FGF12: variants seen among roughly 807,000 people sequenced by gnomAD.
FGF12 encodes the protein fibroblast growth factor 12, also known as fibroblast growth factor 12B.
A neutral mutation model predicts 23.6 loss-of-function variants in FGF12; 14 were observed. The observed-to-expected ratio is 0.59, with a 90% CI of 0.39 to 0.93. The LOEUF (loss-of-function observed/expected upper bound fraction) is 0.93, where lower values mean the gene tolerates loss of function less well. Ranked by LOEUF, FGF12 falls within the 40% of genes least tolerant of loss-of-function variation. The probability of loss-of-function intolerance (pLI) is 0.00; values close to 1 mark genes in which losing one functional copy is unlikely to be tolerated. For synonymous variants in FGF12, 62 were observed against 77.3 expected (o/e 0.80, Z 1.04); for missense variants, 175 against 217.8 (o/e 0.80, Z 1.24).
At chr3:192,712,649 AC>A (rs1368870153) in intron 2 of FGF12, among the ~76,000 whole-genome samples, 2 of 152,086 alleles carry the variant, frequency 1.3e-5, no homozygotes, top group African/African-American at 4.8e-5. Flanking sequence ...AGAATTCTAT[AC>A]CTAACCACAC....
intron 4 of FGF12, among the ~76,000 whole-genome samples, chr3:192,242,357 G>T (rs549282322): frequency 6.6e-6 from 1 of 152,270 alleles, no homozygotes; most frequent in African/African-American, 2.4e-5. Flanking sequence ...GATGCCAGTA[G>T]CCCTCCCCTT....
chr3:192,186,373 C>T (rs1716468159), intron 4 of FGF12, among the ~76,000 whole-genome samples: 1 of 152,174 alleles, frequency 6.6e-6, no homozygotes, highest in Non-Finnish European at 1.5e-5. Context: ...CACCATCTTG[C>T]ATAAAGCCTT....
intron 4 of FGF12, among the ~76,000 whole-genome samples, chr3:192,335,052 A>T (rs1267559621): frequency 1.3e-5 from 2 of 152,164 alleles, no homozygotes; most frequent in Non-Finnish European, 2.9e-5. Flanking sequence ...ATAACAAGAG[A>T]AAAGAAAAAT....
intron 4 of FGF12, among the ~76,000 whole-genome samples, chr3:192,313,314 C>G (rs1716056064): frequency 6.6e-6 from 1 of 152,098 alleles, no homozygotes; most frequent in Non-Finnish European, 1.5e-5. Context: ...CATAGACAAC[C>G]TGCTGATCCC....
At chr3:192,497,317 T>C (rs1188595425) in intron 2 of FGF12, among the ~76,000 whole-genome samples, 2 of 152,176 alleles carry the variant, frequency 1.3e-5, no homozygotes, top group African/African-American at 4.8e-5. Context: ...ACCTTCAAAA[T>C]ATATTCCAAG....
chr3:192,176,022 G>A (rs185676455), intron 4 of FGF12, among the ~76,000 whole-genome samples: 70 of 152,020 alleles, frequency 4.6e-4, no homozygotes, highest in Non-Finnish European at 7.1e-4. Context: ...CTTTCCCACC[G>A]CCCCCTCATC....
Position 192,242,079 on chromosome 3 carries a change from C to A in FGF12, c.229-71423G>T, listed in dbSNP as rs968233303. ...AAGGGAACAAGTAAAAAGAAAAACA[C>A]ATTAAGCATTCATATTCAGAAATTA... On this transcript the variant is annotated intron_variant, in intron 4 of 5. Transcript: ENST00000445105. 7.2e-5 allele frequency among the ~76,000 whole-genome samples: 11 copies of A among 152,164 alleles called. No individual in the cohort carries two copies. The South Asian group carries it at 2.3e-3, about 32-fold the overall frequency.
chr3:192,677,228 C>T (rs879852173), intron 2 of FGF12, among the ~76,000 whole-genome samples: 1 of 152,220 alleles, frequency 6.6e-6, no homozygotes, highest in African/African-American at 2.4e-5. Flanking sequence ...TCCCCCAACT[C>T]CCACACTGAG....
chr3:192,204,557 A>G (rs1717544577), intron 4 of FGF12, among the ~76,000 whole-genome samples: 2 of 152,180 alleles, frequency 1.3e-5, no homozygotes. Context: ...GTTGCCTTTT[A>G]TGCAGGTCCC....
At chr3:192,459,133 C>T (rs775613730) in intron 2 of FGF12, among the ~76,000 whole-genome samples, 1 of 152,146 alleles carries the variant, frequency 6.6e-6, no homozygotes, top group Non-Finnish European at 1.5e-5. Flanking sequence ...ATGTCTTTAT[C>T]AGCAATGTGA....
chr3:192,486,456 A>T (rs1033351302), intron 2 of FGF12, among the ~76,000 whole-genome samples: 2 of 152,126 alleles, frequency 1.3e-5, no homozygotes, highest in African/African-American at 4.8e-5. Flanking sequence ...AGAATGAGCC[A>T]TGTAAAAACA....
intron 2 of FGF12, among the ~76,000 whole-genome samples, chr3:192,495,776 C>T (rs1411044717): frequency 1.3e-5 from 2 of 152,104 alleles, no homozygotes; most frequent in Non-Finnish European, 2.9e-5. Context: ...AAGTGATCCT[C>T]TCAACTCAGC....
chr3:192,365,520 T>C (rs955764196), intron 2 of FGF12, among the ~76,000 whole-genome samples: 6 of 152,176 alleles, frequency 3.9e-5, no homozygotes, highest in East Asian at 1.9e-4. Flanking sequence ...CTATGGGAAA[T>C]TGGATATAGG....
intron 2 of FGF12, among the ~76,000 whole-genome samples, chr3:192,618,376 C>T (rs62293018): frequency 0.17 from 25,368 of 151,804 alleles, 2,372 homozygotes; most frequent in African/African-American, 0.25. Context: ...GACTCAAGTC[C>T]ATCAAGTTCT....
At chr3:192,502,901 C>G (rs544735367) in intron 2 of FGF12, among the ~76,000 whole-genome samples, 1 of 152,224 alleles carries the variant, frequency 6.6e-6, no homozygotes, top group Non-Finnish European at 1.5e-5. Flanking sequence ...GCAGTGATAG[C>G]TAATATCTAG....
intron 2 of FGF12, among the ~76,000 whole-genome samples, chr3:192,522,934 C>T (rs190126845): frequency 6.6e-6 from 1 of 152,210 alleles, no homozygotes; most frequent in East Asian, 1.9e-4. Flanking sequence ...CATCAGTTGT[C>T]GTCTGAGGGA....
At chr3:192,192,458 A>C (rs1716841898) in intron 4 of FGF12, among the ~76,000 whole-genome samples, 1 of 147,980 alleles carries the variant, frequency 6.8e-6, no homozygotes, top group African/African-American at 2.4e-5. Context: ...ATATAATTAT[A>C]TTACATATAA....
At chr3:192,368,133 A>C (rs898293566) in intron 2 of FGF12, among the ~76,000 whole-genome samples, 10 of 152,196 alleles carry the variant, frequency 6.6e-5, no homozygotes, top group African/African-American at 1.9e-4. Context: ...GCAGAAAAGA[A>C]AATCCAAAAC....
chr3:192,398,756 A>C (rs1720633811), intron 2 of FGF12, among the ~76,000 whole-genome samples: 1 of 152,168 alleles, frequency 6.6e-6, no homozygotes, highest in African/African-American at 2.4e-5. Flanking sequence ...GTAGAAAGAA[A>C]AGTAGATTAG....
Sources: allele counts gnomAD v4.1 joint callset (sites outside exome capture counted in the v4.1 genomes callset), GRCh38; gene constraint gnomAD v4.1.1; transcripts MANE v1.5; gene names NCBI Gene and HGNC (gene_info 2026-07-23, HGNC 2026-07-21).